Variants in COPG2 observed in about 807,000 individuals in gnomAD.
The protein encoded by COPG2 is coatomer subunit gamma-2.
In COPG2, 37 loss-of-function variants were observed where a neutral mutation model predicts 46.3. The ratio of observed to expected loss-of-function variants is 0.80; its 90% confidence interval spans 0.61 to 1.05. The LOEUF (loss-of-function observed/expected upper bound fraction) is 1.05, where lower values mean the gene tolerates loss of function less well. Ranked by LOEUF, COPG2 falls within the 50% of genes least tolerant of loss-of-function variation. The pLI, the probability that COPG2 is intolerant of heterozygous loss-of-function variation, is 0.00. For synonymous variants in COPG2, 159 were observed against 129.7 expected (o/e 1.23, Z -1.53); for missense variants, 427 against 387.8 (o/e 1.10, Z -0.85).
chr7:130,519,355 G>C (rs1266666316), intron 20 of COPG2, among the ~76,000 whole-genome samples: 2 of 152,204 alleles, frequency 1.3e-5, no homozygotes, highest in Non-Finnish European at 2.9e-5. Flanking sequence ...GTTAGAGAAA[G>C]ATTAATGCGA....
intron 5 of COPG2, among the ~76,000 whole-genome samples, chr7:130,626,567 A>AC (rs1554454327): frequency 6.6e-6 from 1 of 152,112 alleles, no homozygotes; most frequent in Non-Finnish European, 1.5e-5. Flanking sequence ...CTCTTAGTCT[A>AC]TAAGAGAGAG....
chr7:130,535,997 G>A (rs1266199261), intron 20 of COPG2, among the ~76,000 whole-genome samples: 6 of 152,204 alleles, frequency 3.9e-5, no homozygotes, highest in Non-Finnish European at 7.4e-5. Flanking sequence ...TATGAAAAGA[G>A]GAGGGATGAT....
At chr7:130,606,248 G>GAA (rs1794726134) in intron 9 of COPG2, among the ~76,000 whole-genome samples, 1 of 150,244 alleles carries the variant, frequency 6.7e-6, no homozygotes, top group Non-Finnish European at 1.5e-5. Context: ...GAAAGAGAGA[G>GAA]AGAGAGAGAG....
At chr7:130,617,166 G>C in intron 5 of COPG2, 101 bp from the exon 6 acceptor site, 1 of 601,474 alleles carries the variant, frequency 1.7e-6, no homozygotes, top group East Asian at 2.9e-5. Flanking sequence ...TCTTAATGCA[G>C]CTACTAATTC....
At chr7:130,651,518 T>G (rs1795744830) in intron 5 of COPG2, among the ~76,000 whole-genome samples, 1 of 111,362 alleles carries the variant, frequency 9.0e-6, no homozygotes, top group Non-Finnish European at 1.9e-5. Context: ...TTTTTTTTTT[T>G]TTTTTTTTTG....
Position 130,545,264 on chromosome 7 carries a change from A to G in COPG2, c.2149+2410T>C, listed in dbSNP as rs1360431192. ...GTCCACGATTACACAGTCAGTATGT[A>G]GCAGGGCCAGCATTCAAATCCTCAT... On this transcript the variant is annotated intron_variant, in intron 20 of 23. Coordinates refer to ENST00000425248, the MANE Select transcript of COPG2 (RefSeq NM_012133.6). Among the ~76,000 whole-genome samples, 3 of 152,152 alleles carry G rather than the reference A, an allele frequency of 2.0e-5. No homozygotes were observed. The East Asian group carries it at 5.8e-4, about 29-fold the overall frequency.
At chr7:130,657,748 A>G (rs540580482) in intron 4 of COPG2, among the ~76,000 whole-genome samples, 1 of 152,362 alleles carries the variant, frequency 6.6e-6, no homozygotes. Flanking sequence ...CTTCACCAAC[A>G]GAAGATATAC....
At chr7:130,569,581 A>C (rs1028106181) in intron 9 of COPG2, among the ~76,000 whole-genome samples, 3 of 152,166 alleles carry the variant, frequency 2.0e-5, no homozygotes, top group Admixed American at 2.0e-4. Context: ...TTCCAACAAA[A>C]AAAAGTCCAA....
At chr7:130,535,332 C>CAGGGTGGAGGGGCCTCCAGGGA (rs1799868022) in intron 20 of COPG2, among the ~76,000 whole-genome samples, 1 of 151,910 alleles carries the variant, frequency 6.6e-6, no homozygotes, top group Non-Finnish European at 1.5e-5. Flanking sequence ...AGAAGACAGA[C>CAGGGTGGAGGGGCCTCCAGGGA]AGGGTGGAGG....
intron 20 of COPG2, among the ~76,000 whole-genome samples, chr7:130,523,375 G>A (rs1390449507): frequency 1.3e-5 from 2 of 152,144 alleles, no homozygotes; most frequent in Non-Finnish European, 2.9e-5. Context: ...ATAGACAATA[G>A]CAAAAGAAGA....
At chr7:130,513,755 T>C (rs903464900) in intron 20 of COPG2, among the ~76,000 whole-genome samples, 1 of 151,450 alleles carries the variant, frequency 6.6e-6, no homozygotes, top group Non-Finnish European at 1.5e-5. Context: ...AGTGTGGAGG[T>C]GACGAGGAAG....
chr7:130,628,935 C>G lies in COPG2; in HGVS notation c.324-11870G>C, dbSNP rs191854239. Among the ~76,000 whole-genome samples the G allele has an allele frequency of 7.9e-3, 1,210 of 152,264 alleles. 53 individuals are homozygous for G. The highest frequency in any genetic ancestry group is 0.073 in the Admixed American group (1,116 of 15,286). ...TAGTAGTGTTCGCCTGTAGTCCTAGCTACTCAGGAGGCTGAGATAGGAAGA... is the reference window on the plus strand; with the variant it reads ...TAGTAGTGTTCGCCTGTAGTCCTAGGTACTCAGGAGGCTGAGATAGGAAGA... On this transcript the variant is annotated intron_variant, in intron 5 of 23. Coordinates refer to ENST00000425248, the MANE Select transcript of COPG2 (RefSeq NM_012133.6).
intron 5 of COPG2, among the ~76,000 whole-genome samples, chr7:130,648,541 C>T (rs1017663311): frequency 3.3e-5 from 5 of 152,178 alleles, no homozygotes; most frequent in African/African-American, 1.2e-4. Context: ...CAAAATTCCT[C>T]TCCATCTTCG....
intron 5 of COPG2, among the ~76,000 whole-genome samples, chr7:130,643,563 C>CAA (rs1318855073): frequency 3.3e-5 from 5 of 152,068 alleles, no homozygotes; most frequent in African/African-American, 1.2e-4. Context: ...TCGGGGTTCT[C>CAA]TTTTAACTCA....
rs1469459103 is a variant in COPG2 at position 130,555,121 on chromosome 7, T to C, written c.1140A>G (p.Val380=). Residue 380 remains valine (V), a synonymous_variant, in exon 13 of 24, where the codon GTA becomes GTG. Transcript: ENST00000425248. ...EISDEFKVVV[V]QAISALCQKY... is the part of the protein sequence containing the mutation. ...TCTGACAGAGAGCACTAATTGCCTG[T>C]ACAACCACCACCTGTAGAAAAACAA... The C allele has an allele frequency of 2.5e-6, 1 of 398,544 alleles. No individual in the cohort carries two copies. Among genetic ancestry groups the C allele is most frequent in the Non-Finnish European group, 4.4e-6 (1 of 226,010 alleles). The allele number at this position is 398,544 out of a possible 1,614,324, so 24.7% of individuals were successfully genotyped here. A position where few individuals can be genotyped will look rare whatever the true frequency, so the allele number is the denominator to read the frequency against.
chr7:130,519,886 T>C (rs1221272196), intron 20 of COPG2, among the ~76,000 whole-genome samples: 1 of 152,198 alleles, frequency 6.6e-6, no homozygotes, highest in East Asian at 1.9e-4. Flanking sequence ...ATCAGGAGTC[T>C]GAAAAAGAAT....
At chr7:130,666,688 C>T (rs1427028312) in intron 3 of COPG2, among the ~76,000 whole-genome samples, 161 bp downstream of exon 3, 2 of 152,160 alleles carry the variant, frequency 1.3e-5, no homozygotes, top group African/African-American at 4.8e-5. Flanking sequence ...TCATAGTCCT[C>T]GTACTCAAGT....
intron 20 of COPG2, among the ~76,000 whole-genome samples, chr7:130,541,117 C>A (rs1235469194): frequency 6.6e-6 from 1 of 152,132 alleles, no homozygotes; most frequent in African/African-American, 2.4e-5. Context: ...AGGGTCAAGA[C>A]TGTCAGGTGT....
At chr7:130,651,557 C>T (rs1795746419) in intron 5 of COPG2, among the ~76,000 whole-genome samples, 1 of 121,258 alleles carries the variant, frequency 8.2e-6, no homozygotes, top group Non-Finnish European at 1.6e-5. Flanking sequence ...TCCCCCAGGT[C>T]GGACTGCGGA....
Sources: gnomAD v4.1 joint callset for allele counts (sites outside exome capture counted in the v4.1 genomes callset) on GRCh38, gnomAD v4.1.1 for gene constraint, MANE v1.5 for transcripts, NCBI Gene and HGNC (gene_info 2026-07-23, HGNC 2026-07-21) for gene names.